Variants in LYRM1 observed in about 807,000 individuals in gnomAD.
The protein encoded by LYRM1 is LYR motif containing 1.
In LYRM1, 14 loss-of-function variants were observed where a neutral mutation model predicts 14.9. The observed-to-expected ratio is 0.94, with a 90% confidence interval of 0.62 to 1.47. LYRM1 has a LOEUF of 1.47. Among genes scored for constraint, LYRM1 ranks in the 40% most tolerant of loss-of-function variants. LYRM1 has a pLI of 0.00. For synonymous variants in LYRM1, 43 were observed against 56.2 expected, an observed-to-expected ratio of 0.77 and a Z score of 1.05; for missense variants, 153 against 149.9, an observed-to-expected ratio of 1.02 and a Z score of -0.11.
chr16:20,908,208 A>G (rs562221532), intron 1 of LYRM1, among the ~76,000 whole-genome samples: 17 of 152,312 alleles, frequency 1.1e-4, no homozygotes, highest in African/African-American at 3.8e-4. Context: ...GGTGTGTAAC[A>G]TAATTAAAAA....
chr16:20,914,449 T>C (rs2106451), intron 1 of LYRM1, among the ~76,000 whole-genome samples: 95,028 of 148,610 alleles, frequency 0.64, 31,367 homozygotes, highest in Non-Finnish European at 0.73. Context: ...CCGCCACACC[T>C]GGCTAATTTT....
At position 20,915,658 on chromosome 16, in the gene LYRM1, A is replaced by C; in HGVS notation, c.103A>C (p.Lys35Gln). 1 of 1,614,158 alleles carries C rather than the reference A, an allele frequency of 6.2e-7. No individual in the cohort carries two copies. The highest frequency in any genetic ancestry group is 8.5e-7 in the Non-Finnish European group (1 of 1,180,012). Residue 35 changes from lysine to glutamine, a missense_variant, in exon 2 of 4, where the codon AAA (lysine) becomes CAA (glutamine). Lys to Gln is a moderately conservative substitution (Grantham distance 53). Coordinates refer to ENST00000567954, the MANE Select transcript of LYRM1 (RefSeq NM_001128302.3). ...ATSGQMEDTIKEKQYILNEAR... is the reference protein window; with the variant it reads ...ATSGQMEDTIQEKQYILNEAR... ...ATCAGGGCAGATGGAAGACACCATCAAAGAAAAACAGTACATACTAAATGA... is the reference window on the plus strand; with the variant it reads ...ATCAGGGCAGATGGAAGACACCATCCAAGAAAAACAGTACATACTAAATGA...
At chr16:20,908,093 G>C (rs1448846096) in intron 1 of LYRM1, among the ~76,000 whole-genome samples, 1 of 152,172 alleles carries the variant, frequency 6.6e-6, no homozygotes, top group East Asian at 1.9e-4. Context: ...CCCTGCACTG[G>C]TGGCTTTTAT....
chr16:20,903,578 T>C (rs557675976), intron 1 of LYRM1, among the ~76,000 whole-genome samples: 84 of 152,338 alleles, frequency 5.5e-4, no homozygotes, highest in Non-Finnish European at 9.7e-4. Context: ...CAGAAAGTTA[T>C]CTTGGTCAGC....
At chr16:20,908,686 AG>A (rs1218978182) in intron 1 of LYRM1, among the ~76,000 whole-genome samples, 1 of 152,246 alleles carries the variant, frequency 6.6e-6, no homozygotes, top group East Asian at 1.9e-4. Flanking sequence ...ATTCAGACTC[AG>A]AGAAGAAAAA....
chr16:20,914,339 A>T (rs1428730850), intron 1 of LYRM1, among the ~76,000 whole-genome samples: 2 of 129,828 alleles, frequency 1.5e-5, no homozygotes, highest in African/African-American at 6.0e-5. Flanking sequence ...CCCAGGCTGG[A>T]GTGCAATGGT....
chr16:20,913,169 T>A (rs2082689553), intron 1 of LYRM1, among the ~76,000 whole-genome samples: 1 of 151,530 alleles, frequency 6.6e-6, no homozygotes, highest in Admixed American at 6.6e-5. Flanking sequence ...CAATAAACAA[T>A]AAATTCAGCA....
rs748048028 is a variant in LYRM1 at position 20,924,056 on chromosome 16, A to G, written c.309A>G (p.Gln103=). ...TCCGAGGCCGGGGACTTCGAAGCCAAGAGAAACTGAGGAAACTTTCCAAAC... is the reference window on the plus strand; with the variant it reads ...TCCGAGGCCGGGGACTTCGAAGCCAGGAGAAACTGAGGAAACTTTCCAAAC... ...TPLRGRGLRS[Q]EKLRKLSKPV... Residue 103 remains glutamine, a synonymous_variant, in exon 4 of 4, where the codon CAA becomes CAG. Transcript: ENST00000567954. 6.2e-7 allele frequency: 1 copy of G among 1,613,792 alleles called. No individual in the cohort carries two copies. The highest frequency in any genetic ancestry group is 2.2e-5 in the East Asian group (1 of 44,886).
upstream of LYRM1, chr16:20,900,086 G>C (rs1472326680): frequency 6.6e-6 from 1 of 152,050 alleles, no homozygotes; most frequent in Non-Finnish European, 1.5e-5. Flanking sequence ...TCCAGACAAC[G>C]CGCTGACTTC....
chr16:20,908,917 C>T, intron 1 of LYRM1, among the ~76,000 whole-genome samples: 1 of 152,228 alleles, frequency 6.6e-6, no homozygotes. Context: ...GAGTCCACAT[C>T]ACAGTTTTTG....
intron 1 of LYRM1, among the ~76,000 whole-genome samples, chr16:20,909,602 A>C (rs2082487153): frequency 6.6e-6 from 1 of 152,188 alleles, no homozygotes; most frequent in Non-Finnish European, 1.5e-5. Context: ...TCTTGCATTA[A>C]TTGTGAGAGA....
At chr16:20,913,209 A>T (rs1163004808) in intron 1 of LYRM1, among the ~76,000 whole-genome samples, 1 of 151,756 alleles carries the variant, frequency 6.6e-6, no homozygotes, top group Non-Finnish European at 1.5e-5. Flanking sequence ...AGGAAGGGAA[A>T]TGTTATTTGG....
At position 20,903,408 on chromosome 16, in the gene LYRM1, A is replaced by G. The variant is rs1460660393; in HGVS notation, c.-1+2519A>G. Among the ~76,000 whole-genome samples, 3 of 152,254 alleles carry G rather than the reference A, an allele frequency of 2.0e-5. No homozygotes were observed. The East Asian group carries it at 5.8e-4, about 29-fold the overall frequency. ...GACCCCTGTGGGCATTTGATTTGCA[A>G]TTCTTGGTCTAGGGCTGTGCTATCC... On this transcript the variant is annotated intron_variant, in intron 1 of 3. Transcript: ENST00000567954.
At chr16:20,915,828 A>C in intron 2 of LYRM1, 114 bp downstream of exon 2, 1 of 1,181,112 alleles carries the variant, frequency 8.5e-7, no homozygotes, top group Non-Finnish European at 1.2e-6. Context: ...TGGTGGCAGA[A>C]CTTGGGGCAG....
At chr16:20,904,690 G>GC (rs1567442407) in intron 1 of LYRM1, among the ~76,000 whole-genome samples, 1 of 130,680 alleles carries the variant, frequency 7.7e-6, no homozygotes, top group African/African-American at 3.1e-5. Context: ...TAAGTCTGTG[G>GC]TTGTGTGTGT....
chr16:20,911,748 G>A (rs1258527166), intron 1 of LYRM1, among the ~76,000 whole-genome samples: 2 of 152,180 alleles, frequency 1.3e-5, no homozygotes, highest in Middle Eastern at 3.4e-3. Context: ...AAAGGAGAGG[G>A]GGGGCTGAAA....
intron 3 of LYRM1, among the ~76,000 whole-genome samples, chr16:20,922,270 A>G (rs1420256870): frequency 1.3e-5 from 2 of 151,680 alleles, no homozygotes; most frequent in East Asian, 2.0e-4. Flanking sequence ...GATTATAGGT[A>G]TGAGCCACCA....
In LYRM1 at chr16:20,901,092, C is replaced by A. The variant is rs1043278807; in HGVS notation, c.-1+203C>A. ...TGCCTCACGGAAGTGGCTCGCGCGT[C>A]CAAGAGGGGAGGCCTGGTGTGGGGA... On this transcript the variant is annotated intron_variant, in intron 1 of 3. Transcript: ENST00000567954. The surrounding 1 kb of genome is among the most constrained non-coding windows in gnomAD (Gnocchi z 4.6). 3 of 152,330 alleles carry A rather than the reference C, an allele frequency of 2.0e-5. No homozygotes were observed. The highest frequency in any genetic ancestry group is 7.2e-5 in the African/African-American group (3 of 41,448). The allele number at this position is 152,330 out of a possible 1,614,324, so 9.4% of individuals were successfully genotyped here.
At position 20,924,123 on chromosome 16, in the gene LYRM1, G is replaced by C. The variant is rs529320648; in HGVS notation, c.*7G>C. The C allele has an allele frequency of 3.3e-6, 5 of 1,494,376 alleles. No homozygotes were observed. Among genetic ancestry groups the C allele is most frequent in the Non-Finnish European group, 4.6e-6 (5 of 1,079,304 alleles). 92.6% of individuals were successfully genotyped at this position (1,494,376 alleles called of 1,614,324 possible). ...TCATGATGAAGTTTCCTAATCTAGA[G>C]GAAAGTTTATTTCTGCAAATGATGA... On this transcript the variant is annotated 3_prime_UTR_variant, in exon 4 of 4. Transcript: ENST00000567954.
Sources: allele counts gnomAD v4.1 joint callset (sites outside exome capture counted in the v4.1 genomes callset), GRCh38; gene constraint gnomAD v4.1.1; non-coding constraint Gnocchi (gnomAD v3.1); transcripts MANE v1.5; gene names NCBI Gene and HGNC (gene_info 2026-07-23, HGNC 2026-07-21).